The following POC1A variants were observed in gnomAD, a reference collection of about 807,000 sequenced individuals.
The protein encoded by POC1A is POC1 centriolar protein homolog A.
Under a neutral mutation model 47.8 loss-of-function variants are expected in POC1A, and 34 were observed. The ratio of observed to expected loss-of-function variants is 0.71; its 90% CI spans 0.54 to 0.95. The LOEUF (loss-of-function observed/expected upper bound fraction) is 0.95. POC1A is among the 40% of genes least tolerant of loss of function. The pLI, the probability that POC1A is intolerant of heterozygous loss-of-function variation, is 0.00. For missense variants in POC1A, 466 were observed against 528.3 expected, an observed-to-expected ratio of 0.88 and a Z score of 1.16; for synonymous variants, 177 against 207.6, an observed-to-expected ratio of 0.85 and a Z score of 1.27.
At chr3:52,119,745 T>C (rs1003385519) in intron 9 of POC1A, among the ~76,000 whole-genome samples, 3 of 152,138 alleles carry the variant, frequency 2.0e-5, no homozygotes, top group Non-Finnish European at 4.4e-5. Context: ...AGGGTGAAGA[T>C]GCTACTGGCA....
intron 9 of POC1A, among the ~76,000 whole-genome samples, chr3:52,113,040 A>C (rs1283700781): frequency 6.6e-6 from 1 of 152,200 alleles, no homozygotes; most frequent in African/African-American, 2.4e-5. Context: ...GAGGCACACT[A>C]AAGTTTGAGA....
intron 8 of POC1A, among the ~76,000 whole-genome samples, chr3:52,124,006 C>T (rs1703899586): frequency 6.6e-6 from 1 of 152,194 alleles, no homozygotes; most frequent in African/African-American, 2.4e-5. Flanking sequence ...GTCTCTAACC[C>T]AGGCTGTGGT....
intron 9 of POC1A, among the ~76,000 whole-genome samples, chr3:52,119,221 C>T (rs979497486): frequency 6.6e-6 from 1 of 152,006 alleles, no homozygotes; most frequent in Non-Finnish European, 1.5e-5. Context: ...CCACCTCATC[C>T]CCGTGCTCCT....
At chr3:52,131,855 G>A (rs1045851340) in intron 7 of POC1A, among the ~76,000 whole-genome samples, 4 of 152,148 alleles carry the variant, frequency 2.6e-5, no homozygotes, top group Admixed American at 6.5e-5. Context: ...GAGGAAACGC[G>A]CGCCTCCAAC....
rs748153856 is a variant in POC1A at position 52,154,363 on chromosome 3, G to A, written c.10C>T (p.Pro4Ser). MAA[P>S]CAEDPSLERH... ...CTCTCGGCTGGGCTTACCGCGCAGG[G>A]CGCAGCCATGGCGGGGCTGGCGGCG... is the stretch of plus-strand genomic sequence containing the variant. Residue 4 changes from proline (P) to serine (S), a missense_variant, in exon 1 of 11, where the codon CCC becomes TCC. By Grantham distance (74) the Pro-to-Ser change is moderately conservative. Coordinates refer to ENST00000296484, the MANE Select transcript of POC1A (RefSeq NM_015426.5). 5 of 1,530,318 alleles carry A rather than the reference G, an allele frequency of 3.3e-6. No homozygotes were observed. Among genetic ancestry groups the A allele is most frequent in the Non-Finnish European group, 4.4e-6 (5 of 1,145,998 alleles). The allele number at this position is 1,530,318 out of a possible 1,614,324, so 94.8% of individuals were successfully genotyped here.
chr3:52,109,658 T>G (rs1174729246), intron 9 of POC1A, among the ~76,000 whole-genome samples: 1 of 152,180 alleles, frequency 6.6e-6, no homozygotes, highest in Non-Finnish European at 1.5e-5. Flanking sequence ...CGGAACGTTC[T>G]GACCAGCCTT....
chr3:52,097,749 A>C (rs1261182012), intron 9 of POC1A, among the ~76,000 whole-genome samples: 1 of 152,248 alleles, frequency 6.6e-6, no homozygotes, highest in African/African-American at 2.4e-5. Flanking sequence ...CTTGAATGTG[A>C]GACATGAGCC....
intron 6 of POC1A, among the ~76,000 whole-genome samples, chr3:52,142,002 A>C (rs992143033): frequency 6.6e-6 from 1 of 152,178 alleles, no homozygotes; most frequent in Admixed American, 6.5e-5. Flanking sequence ...AGAGTAAATG[A>C]CTAGAGTCAC....
At chr3:52,150,872 T>C in intron 2 of POC1A, 144 bp downstream of exon 2, 1 of 693,448 alleles carries the variant, frequency 1.4e-6, no homozygotes, top group Non-Finnish European at 2.5e-6. Flanking sequence ...CCCAAAGAGC[T>C]GGCAAGCAGA....
intron 6 of POC1A, among the ~76,000 whole-genome samples, chr3:52,143,114 C>T (rs1698252376): frequency 2.0e-5 from 3 of 151,726 alleles, no homozygotes; most frequent in Admixed American, 2.0e-4. Context: ...CCTGCTAAGC[C>T]TCCAATCTAC....
chr3:52,076,944 TC>T (rs1308512856), intron 10 of POC1A, among the ~76,000 whole-genome samples: 1 of 152,258 alleles, frequency 6.6e-6, no homozygotes, highest in Non-Finnish European at 1.5e-5. Flanking sequence ...GCTGCCCTCC[TC>T]CTCTGGCTTT....
chr3:52,089,991 T>C (rs2106952192), intron 10 of POC1A, among the ~76,000 whole-genome samples: 1 of 151,864 alleles, frequency 6.6e-6, no homozygotes, highest in East Asian at 1.9e-4. Flanking sequence ...AGGTTTAAGG[T>C]ATCTCAAAGC....
intron 7 of POC1A, among the ~76,000 whole-genome samples, chr3:52,134,618 C>T (rs372993460): frequency 3.3e-4 from 50 of 151,974 alleles, no homozygotes; most frequent in African/African-American, 1.2e-3. Flanking sequence ...GGCGACAGGG[C>T]GAAACTGTCT....
intron 7 of POC1A, among the ~76,000 whole-genome samples, chr3:52,132,939 G>A (rs970368167): frequency 1.1e-4 from 16 of 151,968 alleles, no homozygotes; most frequent in Admixed American, 8.5e-4. Context: ...CCAACTACTC[G>A]GGAGGCTGAG....
In POC1A at chr3:52,075,560, C is replaced by T. The variant is rs1702091864; in HGVS notation, c.*327G>A. ...AAATCAAGGCATCGTGGAGCCACCTCCTCCAGAGGGGGAGCCACAATCTCA... is the reference window on the plus strand; with the variant it reads ...AAATCAAGGCATCGTGGAGCCACCTTCTCCAGAGGGGGAGCCACAATCTCA... On this transcript the variant is annotated 3_prime_UTR_variant, in exon 11 of 11. Coordinates refer to ENST00000296484, the MANE Select transcript of POC1A (RefSeq NM_015426.5). The T allele has an allele frequency of 4.6e-6, 1 of 216,752 alleles. No individual in the cohort carries two copies. The highest frequency in any genetic ancestry group is 4.8e-5 in the Admixed American group (1 of 20,826). 13.4% of individuals were successfully genotyped at this position (216,752 alleles called of 1,614,324 possible).
chr3:52,081,267 C>T (rs1702271243), intron 10 of POC1A, among the ~76,000 whole-genome samples: 1 of 152,206 alleles, frequency 6.6e-6, no homozygotes, highest in Non-Finnish European at 1.5e-5. Context: ...CTGGGTCCAG[C>T]GACAGGTTGA....
intron 9 of POC1A, among the ~76,000 whole-genome samples, chr3:52,113,200 G>A (rs1258494035): frequency 6.6e-6 from 1 of 152,214 alleles, no homozygotes; most frequent in Non-Finnish European, 1.5e-5. Context: ...TCCCCCATGG[G>A]AAACTTAGTA....
Position 52,079,552 on chromosome 3 carries a change from C to T in POC1A, c.1126-3567G>A, listed in dbSNP as rs192566177. On this transcript the variant is annotated intron_variant, in intron 10 of 10. Transcript: ENST00000296484. The surrounding 1 kb of genome is among the most constrained non-coding windows in gnomAD (Gnocchi z 4.6). ...AGTTCCTTGATCACACTGCCTCTCA[C>T]CCTGTGCTCTGTACAGGGGAGCAGG... 1.8e-3 allele frequency among the ~76,000 whole-genome samples: 276 copies of T among 152,364 alleles called. No individual in the cohort carries two copies. Among genetic ancestry groups the T allele is most frequent in the Non-Finnish European group, 2.2e-3 (151 of 68,036 alleles).
At chr3:52,077,138 G>A (rs945562862) in intron 10 of POC1A, among the ~76,000 whole-genome samples, 1 of 152,234 alleles carries the variant, frequency 6.6e-6, no homozygotes, top group Non-Finnish European at 1.5e-5. Flanking sequence ...CTGTATGCCA[G>A]GCCCCTGCTG....
Sources: allele counts gnomAD v4.1 joint callset (sites outside exome capture counted in the v4.1 genomes callset), GRCh38; gene constraint gnomAD v4.1.1; non-coding constraint Gnocchi (gnomAD v3.1); transcripts MANE v1.5; gene names NCBI Gene and HGNC (gene_info 2026-07-23, HGNC 2026-07-21).